GNA12: variants seen among roughly 807,000 people sequenced by gnomAD.
GNA12 encodes guanine nucleotide-binding protein subunit alpha-12.
A neutral mutation model predicts 26.0 loss-of-function variants in GNA12; 9 were observed. The ratio of observed to expected loss-of-function variants is 0.35; its 90% CI spans 0.21 to 0.60. The LOEUF is 0.60. GNA12 is among the 20% of genes least tolerant of loss of function. The pLI is 0.78. For synonymous variants in GNA12, 264 were observed against 219.6 expected (o/e 1.20, Z -1.79); for missense variants, 405 against 525.8 (o/e 0.77, Z 2.25).
chr7:2,744,348 A>G (rs1047495884), intron 2 of GNA12, among the ~76,000 whole-genome samples: 10 of 152,198 alleles, frequency 6.6e-5, no homozygotes, highest in Admixed American at 2.6e-4. Context: ...AGGCAGCAGC[A>G]TTTGTGGGTC....
intron 2 of GNA12, among the ~76,000 whole-genome samples, chr7:2,782,593 T>A (rs1054719597): frequency 6.6e-6 from 1 of 152,198 alleles, no homozygotes; most frequent in African/African-American, 2.4e-5. Context: ...TTTCTGTAGC[T>A]GCTTTTAAGA....
intron 2 of GNA12, among the ~76,000 whole-genome samples, chr7:2,765,448 C>T (rs950421911): frequency 3.3e-5 from 5 of 151,944 alleles, no homozygotes; most frequent in Middle Eastern, 3.4e-3. Context: ...CCTGAGCCAC[C>T]GCGCCCAGCC....
intron 2 of GNA12, among the ~76,000 whole-genome samples, chr7:2,791,812 C>T (rs576921343): frequency 3.3e-5 from 5 of 152,244 alleles, no homozygotes; most frequent in South Asian, 2.1e-4. Flanking sequence ...TTGACAACAA[C>T]GACTATTAGG....
chr7:2,840,376 T>C (rs1318144293), intron 1 of GNA12, among the ~76,000 whole-genome samples: 1 of 152,190 alleles, frequency 6.6e-6, no homozygotes, highest in Non-Finnish European at 1.5e-5. Context: ...CTAAATGAGG[T>C]AATACCATCT....
intron 1 of GNA12, among the ~76,000 whole-genome samples, chr7:2,805,546 C>G (rs2115473499): frequency 6.6e-6 from 1 of 152,202 alleles, no homozygotes; most frequent in Non-Finnish European, 1.5e-5. Flanking sequence ...CTGTGAGTAT[C>G]TGGAGAGATA....
intron 2 of GNA12, among the ~76,000 whole-genome samples, chr7:2,757,741 A>G (rs113482650): frequency 4.6e-5 from 7 of 152,380 alleles, no homozygotes; most frequent in African/African-American, 1.7e-4. Context: ...ACCATGAAGC[A>G]TAAAGGAAAA....
intron 1 of GNA12, among the ~76,000 whole-genome samples, chr7:2,807,715 A>G (rs1188584843): frequency 2.0e-5 from 3 of 152,228 alleles, no homozygotes; most frequent in Non-Finnish European, 4.4e-5. Context: ...GAAGAAGTAA[A>G]TTTAAGTAGT....
intron 2 of GNA12, among the ~76,000 whole-genome samples, chr7:2,775,758 G>A (rs1792061453): frequency 6.6e-6 from 1 of 152,172 alleles, no homozygotes; most frequent in Non-Finnish European, 1.5e-5. Flanking sequence ...AGACCTCAGA[G>A]GCTCATCAGT....
In GNA12 at chr7:2,811,519, CTT is replaced by C. The variant is rs139431741; in HGVS notation, c.310-16378_310-16377del. On this transcript the variant is annotated intron_variant, in intron 1 of 3. Transcript: ENST00000275364. Reference sequence around the variant, plus strand: ...CTTTATGTCATGACCAATGAAGTAACTTTTATCAAATTTTTGCCAACTATATA... The same window carrying C: ...CTTTATGTCATGACCAATGAAGTAACTTATCAAATTTTTGCCAACTATATA... Among the ~76,000 whole-genome samples the C allele has an allele frequency of 9.1e-3, 1,392 of 152,282 alleles. 16 individuals are homozygous for C. Among genetic ancestry groups the C allele is most frequent in the African/African-American group, 0.032 (1,320 of 41,558 alleles).
chr7:2,756,931 G>A (rs1209929143), intron 2 of GNA12, among the ~76,000 whole-genome samples: 10 of 150,930 alleles, frequency 6.6e-5, no homozygotes, highest in Non-Finnish European at 1.0e-4. Context: ...AAAAGTAGCC[G>A]GGTGTGGTGG....
intron 2 of GNA12, among the ~76,000 whole-genome samples, chr7:2,749,834 GAT>G (rs1790941721): frequency 6.6e-6 from 1 of 152,038 alleles, no homozygotes; most frequent in South Asian, 2.1e-4. Context: ...ACTGAAATTA[GAT>G]TAATAGAGAT....
chr7:2,761,542 GC>G, intron 2 of GNA12, among the ~76,000 whole-genome samples: 1 of 152,288 alleles, frequency 6.6e-6, no homozygotes, highest in East Asian at 1.9e-4. Context: ...GGACAGCATC[GC>G]CCTCCAGAAT....
In GNA12 at chr7:2,751,212, C is replaced by T. The variant is rs948061722; in HGVS notation, c.526-17711G>A. 4.6e-5 allele frequency among the ~76,000 whole-genome samples: 7 copies of T among 151,976 alleles called. No individual in the cohort carries two copies. In the South Asian group the frequency reaches 6.2e-4, roughly 14 times the overall value. The stretch of plus-strand genomic sequence containing the variant: ...AGACCTGGGCAACATGGTAAAACCC[C>T]ATCTTCTCAAAAAAAACCCCAAAGT... On this transcript the variant is annotated intron_variant, in intron 2 of 3. Transcript: ENST00000275364.
At chr7:2,743,079 A>T (rs1195036346) in intron 2 of GNA12, among the ~76,000 whole-genome samples, 1 of 152,218 alleles carries the variant, frequency 6.6e-6, no homozygotes, top group Non-Finnish European at 1.5e-5. Flanking sequence ...CAGGACTGCC[A>T]AGGGGTAAGG....
At chr7:2,736,138 T>G (rs774192959) in intron 2 of GNA12, among the ~76,000 whole-genome samples, 1 of 152,146 alleles carries the variant, frequency 6.6e-6, no homozygotes, top group Non-Finnish European at 1.5e-5. Context: ...CTAAGAGAAT[T>G]CAGTCATTTC....
At chr7:2,757,129 C>CTTTT (rs71026549) in intron 2 of GNA12, among the ~76,000 whole-genome samples, 39 of 93,982 alleles carry the variant, frequency 4.1e-4, no homozygotes, top group African/African-American at 1.3e-3. Flanking sequence ...TCAGGTGGGC[C>CTTTT]TTTTTTTTTT....
intron 2 of GNA12, chr7:2,775,298 G>C (rs895242204): frequency 1.3e-5 from 2 of 152,198 alleles, no homozygotes; most frequent in Non-Finnish European, 2.9e-5. Flanking sequence ...GCCTCATTTA[G>C]GGTTAGATAC....
chr7:2,745,923 A>C (rs1790741718), intron 2 of GNA12, among the ~76,000 whole-genome samples: 1 of 152,230 alleles, frequency 6.6e-6, no homozygotes, highest in African/African-American at 2.4e-5. Context: ...GAGACAAAGA[A>C]GGCCATTACA....
intron 2 of GNA12, among the ~76,000 whole-genome samples, chr7:2,751,005 T>C (rs1334775090): frequency 6.6e-6 from 1 of 152,128 alleles, no homozygotes; most frequent in African/African-American, 2.4e-5. Context: ...AGAAAGTATT[T>C]TGAACTTCAA....
Sources: gnomAD v4.1 joint callset for allele counts (sites outside exome capture counted in the v4.1 genomes callset) on GRCh38, gnomAD v4.1.1 for gene constraint, MANE v1.5 for transcripts, NCBI Gene and HGNC (gene_info 2026-07-23, HGNC 2026-07-21) for gene names.